Variants in SETD2 observed in about 807,000 individuals in gnomAD.
SETD2 encodes SET domain containing 2, histone lysine methyltransferase.
A neutral mutation model predicts 242.1 loss-of-function variants in SETD2; 31 were observed. The observed-to-expected ratio is 0.13, with a 90% confidence interval of 0.10 to 0.17. SETD2 has a LOEUF of 0.17. SETD2 is among the 10% of genes least tolerant of loss of function. The probability of loss-of-function intolerance (pLI) is 1.00; values close to 1 mark genes in which losing one functional copy is unlikely to be tolerated. For synonymous variants in SETD2, 1,006 were observed against 1,066.5 expected, an observed-to-expected ratio of 0.94 and a Z score of 1.11; for missense variants, 2,481 against 3,046.3, an observed-to-expected ratio of 0.81 and a Z score of 4.37.
intron 1 of SETD2, among the ~76,000 whole-genome samples, chr3:47,134,582 C>T (rs1183720768): frequency 6.6e-6 from 1 of 151,986 alleles, no homozygotes; most frequent in Non-Finnish European, 1.5e-5. Flanking sequence ...GTGAAAACTA[C>T]ATCAGAACGT....
rs964982055 is a variant in SETD2, at chr3:47,084,272, C to T, written c.5508G>A (p.Pro1836=). 22 of 1,613,880 alleles carry T rather than the reference C, an allele frequency of 1.4e-5. No individual in the cohort carries two copies. The highest frequency in any genetic ancestry group is 1.7e-5 in the Non-Finnish European group (20 of 1,179,970). ...TAGAATACCCATCTCCTTCACTCAA[C>T]GGAGGGACAGCAGTCTTAGTCTGAG... is the stretch of plus-strand genomic sequence containing the variant. ...RWSQTKTAVP[P]LSEGDGYSSE... Residue 1836 remains proline (P), a synonymous_variant, in exon 12 of 21, where the codon CCG becomes CCA. Transcript: ENST00000409792.
intron 13 of SETD2, among the ~76,000 whole-genome samples, chr3:47,064,886 CA>C (rs1350214768): frequency 9.2e-5 from 14 of 151,380 alleles, no homozygotes; most frequent in African/African-American, 3.4e-4. Flanking sequence ...AAGGGTTCTA[CA>C]TGTGAAAGAG....
intron 1 of SETD2, among the ~76,000 whole-genome samples, chr3:47,152,982 G>C (rs2044029410): frequency 6.6e-6 from 1 of 152,164 alleles, no homozygotes; most frequent in South Asian, 2.1e-4. Flanking sequence ...ATGACAATAT[G>C]TTTGCTCAGC....
chr3:47,155,731 C>CA (rs1203740260), intron 1 of SETD2, among the ~76,000 whole-genome samples: 1 of 152,148 alleles, frequency 6.6e-6, no homozygotes, highest in Non-Finnish European at 1.5e-5. Flanking sequence ...GCTTGAGCCT[C>CA]AGAGGCAGAG....
At chr3:47,156,573 A>T (rs2044132066) in intron 1 of SETD2, among the ~76,000 whole-genome samples, 1 of 152,192 alleles carries the variant, frequency 6.6e-6, no homozygotes, top group Non-Finnish European at 1.5e-5. Flanking sequence ...CCCTAGCCTA[A>T]GCACTAGGAT....
intron 5 of SETD2, among the ~76,000 whole-genome samples, chr3:47,110,740 G>A (rs757754815): frequency 1.4e-4 from 21 of 152,228 alleles, no homozygotes; most frequent in Non-Finnish European, 2.5e-4. Context: ...GGCAGTTATA[G>A]GAGTAGGAAG....
At chr3:47,039,697 C>A (rs539591397) in intron 17 of SETD2, among the ~76,000 whole-genome samples, 19 of 110,882 alleles carry the variant, frequency 1.7e-4, no homozygotes, top group African/African-American at 6.5e-4. Context: ...TAAACCCTGT[C>A]TCTACCGAAA....
At chr3:47,062,966 T>C (rs1299773025) in intron 13 of SETD2, among the ~76,000 whole-genome samples, 1 of 151,954 alleles carries the variant, frequency 6.6e-6, no homozygotes, top group Admixed American at 6.6e-5. Context: ...AAGTGGCTTA[T>C]CAGGCAACAT....
At chr3:47,029,525 A>G (rs2038669018) in intron 18 of SETD2, among the ~76,000 whole-genome samples, 1 of 151,916 alleles carries the variant, frequency 6.6e-6, no homozygotes. Flanking sequence ...ATATAAGTAT[A>G]GTGGTCTGCA....
At chr3:47,081,610 T>C (rs971855803) in intron 12 of SETD2, among the ~76,000 whole-genome samples, 1 of 152,226 alleles carries the variant, frequency 6.6e-6, no homozygotes. Flanking sequence ...GTTCAAATTA[T>C]GGATTCCTGA....
intron 15 of SETD2, among the ~76,000 whole-genome samples, chr3:47,052,215 G>T (rs1313962795): frequency 6.6e-6 from 1 of 151,834 alleles, no homozygotes; most frequent in African/African-American, 2.4e-5. Flanking sequence ...TTTGTACCCA[G>T]GCTGGAGTGC....
intron 13 of SETD2, among the ~76,000 whole-genome samples, chr3:47,062,601 C>CTCA: frequency 6.6e-6 from 1 of 152,030 alleles, no homozygotes; most frequent in Non-Finnish European, 1.5e-5. Context: ...CAGTCTAAGC[C>CTCA]GTTAACATTT....
intron 9 of SETD2, among the ~76,000 whole-genome samples, 200 bp downstream of exon 9, chr3:47,097,754 AC>A (rs2042063827): frequency 6.6e-6 from 1 of 152,202 alleles, no homozygotes; most frequent in Non-Finnish European, 1.5e-5. Flanking sequence ...TTTCAATAAT[AC>A]TTTAATAGTT....
chr3:47,109,148 A>C (rs555450621), intron 5 of SETD2, among the ~76,000 whole-genome samples: 2 of 152,222 alleles, frequency 1.3e-5, no homozygotes, highest in East Asian at 1.9e-4. Context: ...AAAGCTATGG[A>C]AGGTTTAGGG....
At position 47,164,085 on chromosome 3, in the gene SETD2, C is replaced by G. The variant is rs1039779851; in HGVS notation, c.-161G>C. ...CGCTACCTCGCTCGTCGCTCCCTCC[C>G]TCCCTCGGACGCCCGCCAGCCGCTC... On this transcript the variant is annotated 5_prime_UTR_variant, in exon 1 of 21. Coordinates refer to ENST00000409792, the MANE Select transcript of SETD2 (RefSeq NM_014159.7). This position sits in a 1 kb window ranked among gnomAD's most constrained non-coding sequence, Gnocchi z 5.4. 5 of 1,162,210 alleles carry G rather than the reference C, an allele frequency of 4.3e-6. No individual in the cohort carries two copies. In the Admixed American group the frequency reaches 1.3e-4, roughly 31 times the overall value. The allele number at this position is 1,162,210 out of a possible 1,614,324, so 72.0% of individuals were successfully genotyped here. A position where few individuals can be genotyped will look rare whatever the true frequency, so the allele number is the denominator to read the frequency against.
At chr3:47,111,079 TAAAAAAAAAAAAAAAAAAA>T (rs10672755) in intron 5 of SETD2, among the ~76,000 whole-genome samples, 4 of 78,800 alleles carry the variant, frequency 5.1e-5, no homozygotes, top group South Asian at 5.2e-4. Context: ...GTGGTTCCTT[TAAAAAAAAAAAAAAAAAAA>T]AAAAAAAAAA....
At chr3:47,114,876 CAAAAAAAAA>C (rs764948151) in intron 4 of SETD2, among the ~76,000 whole-genome samples, 1 of 55,078 alleles carries the variant, frequency 1.8e-5, no homozygotes, top group African/African-American at 5.1e-5. Context: ...GAGACTGTCT[CAAAAAAAAA>C]AAAAAAAAAA....
chr3:47,133,724 C>T (rs1160222299), intron 1 of SETD2, among the ~76,000 whole-genome samples: 1 of 152,124 alleles, frequency 6.6e-6, no homozygotes, highest in East Asian at 1.9e-4. Context: ...CAGAGTGAGA[C>T]CCTGTCTCAA....
chr3:47,079,244 A>G (rs2041229659), intron 12 of SETD2, among the ~76,000 whole-genome samples: 2 of 152,352 alleles, frequency 1.3e-5, no homozygotes, highest in South Asian at 4.1e-4. Context: ...TATGGTTACT[A>G]TAAGACTTAA....
Sources: gnomAD v4.1 joint callset for allele counts (sites outside exome capture counted in the v4.1 genomes callset) on GRCh38, gnomAD v4.1.1 for gene constraint, Gnocchi (gnomAD v3.1) non-coding constraint, MANE v1.5 for transcripts, NCBI Gene and HGNC (gene_info 2026-07-23, HGNC 2026-07-21) for gene names.